The following SRPK3 variants were observed in gnomAD, a reference collection of about 807,000 sequenced individuals.
SRPK3 encodes the protein SRSF protein kinase 3, also known as SFRS protein kinase 3.
Under a neutral mutation model 45.3 loss-of-function variants are expected in SRPK3, and 26 were observed. The observed-to-expected ratio is 0.57, with a 90% CI of 0.42 to 0.80. The LOEUF is 0.80. Ranked by LOEUF, SRPK3 falls within the 30% of genes least tolerant of loss-of-function variation. The pLI, the probability that SRPK3 is intolerant of heterozygous loss-of-function variation, is 0.00. For missense variants in SRPK3, 536 were observed against 514.5 expected, an observed-to-expected ratio of 1.04 and a Z score of -0.40; for synonymous variants, 254 against 226.6, an observed-to-expected ratio of 1.12 and a Z score of -1.09.
At position 153,781,570 on chromosome X, in the gene SRPK3, G is replaced by A; in HGVS notation, c.256G>A (p.Gly86Ser). The change falls in exon 3 of 15, where the codon GGC (glycine) becomes AGC (serine). Residue 86 changes from glycine to serine, a missense_variant. Physicochemically the swap from Gly to Ser is moderately conservative, Grantham distance 56. Coordinates refer to ENST00000370101, the MANE Select transcript of SRPK3 (RefSeq NM_014370.4). ...GCGGTACCACGTGGTGCGCAAACTGGGCTGGGGCCACTTCTCCACCGTCTG... is the reference window on the plus strand; with the variant it reads ...GCGGTACCACGTGGTGCGCAAACTGAGCTGGGGCCACTTCTCCACCGTCTG... ...NGRYHVVRKLGWGHFSTVWLC... is the reference protein window; with the variant it reads ...NGRYHVVRKLSWGHFSTVWLC... The A allele has an allele frequency of 8.3e-7, 1 of 1,211,128 alleles. No homozygotes were observed. The highest frequency in any genetic ancestry group is 1.1e-6 in the Non-Finnish European group (1 of 895,419).
rs782018842 is a variant in SRPK3 at position 153,784,184 on chromosome X, G to A, written c.1118G>A (p.Arg373Gln). ...CSILSGSSNQ[R>Q]ETGGLLSPST... is the part of the protein sequence containing the mutation. The stretch of plus-strand genomic sequence containing the variant: ...ATCCTCTCCGGCTCGTCCAATCAGC[G>A]AGAGACCGGGGGCCTCCTGTCGCCT... Residue 373 changes from arginine (R) to glutamine (Q), a missense_variant, in exon 10 of 15, where the codon CGA becomes CAA. Coordinates refer to ENST00000370101, the MANE Select transcript of SRPK3 (RefSeq NM_014370.4). 21 of 1,209,524 alleles carry A rather than the reference G, an allele frequency of 1.7e-5. No homozygotes were observed. The highest frequency in any genetic ancestry group is 2.2e-5 in the Admixed American group (1 of 45,906).
rs782157672 is a variant in SRPK3 at position 153,783,280 on chromosome X, C to G, written c.774+29C>G. On this transcript the variant is annotated intron_variant, in intron 8 of 14. Coordinates refer to ENST00000370101, the MANE Select transcript of SRPK3 (RefSeq NM_014370.4). ...AGTTGGGGGGCCCCTCTCTCCCATG[C>G]CTCCTCTCCCATCTGAGCCAACTGG... is the stretch of plus-strand genomic sequence containing the variant. The G allele has an allele frequency of 6.1e-6, 7 of 1,151,601 alleles. No homozygotes were observed. The South Asian group carries it at 9.7e-5, about 16-fold the overall frequency. 94.9% of individuals were successfully genotyped at this position (1,151,601 alleles called of 1,213,427 possible). A position where few individuals can be genotyped will look rare whatever the true frequency, so the allele number is the denominator to read the frequency against.
Position 153,783,726 on chromosome X carries a change from C to G in SRPK3, c.775-26C>G, listed in dbSNP as rs1557067772. 2.5e-6 allele frequency: 3 copies of G among 1,209,308 alleles called. No homozygotes were observed. In the East Asian group the frequency reaches 8.9e-5, roughly 36 times the overall value. On this transcript the variant is annotated intron_variant, in intron 8 of 14. Transcript: ENST00000370101. ...TGCTGACTGGGGCGGGCGACAGGAA[C>G]CCTGGGGTGACCCTGGCTCTGACAG...
chrX:153,784,429 C>G (rs2092072620), intron 11 of SRPK3, 35 bp downstream of exon 11: 1 of 1,180,235 alleles, frequency 8.5e-7, no homozygotes, highest in South Asian at 1.8e-5. Flanking sequence ...AGTGGGGGGC[C>G]CTGCTCCAAG....
At chrX:153,783,405 G>C (rs1003478178) in intron 8 of SRPK3, among the ~76,000 whole-genome samples, 154 bp downstream of exon 8, 1 of 111,271 alleles carries the variant, frequency 9.0e-6, no homozygotes, top group African/African-American at 3.3e-5. Context: ...GGTAATTCCC[G>C]GGGGGGGTCA....
Position 153,781,101 on chromosome X carries a change from G to C in SRPK3, c.15G>C (p.Thr5=), listed in dbSNP as rs1215675785. 3 of 1,113,098 alleles carry C rather than the reference G, an allele frequency of 2.7e-6. No individual in the cohort carries two copies. In the African/African-American group the frequency reaches 5.6e-5, roughly 21 times the overall value. The allele number at this position is 1,113,098 out of a possible 1,213,427, so 91.7% of individuals were successfully genotyped here. A position where few individuals can be genotyped will look rare whatever the true frequency, so the allele number is the denominator to read the frequency against. The stretch of plus-strand genomic sequence containing the variant: ...GCGTGGCCGGGATGAGCGCCAGCAC[G>C]GGCGGTGGTGGGGACAGCGGCGGCA... MSAS[T]GGGGDSGGSG... is the part of the protein sequence containing the mutation. The change falls in exon 1 of 15, where the codon ACG becomes ACC. Residue 5 remains threonine (T), a synonymous_variant. Transcript: ENST00000370101.
At chrX:153,784,633 A>T (rs1490969903) in intron 11 of SRPK3, 117 bp from the exon 12 acceptor site, 5 of 925,807 alleles carry the variant, frequency 5.4e-6, no homozygotes, top group Non-Finnish European at 7.6e-6. Context: ...GGGGACCCCG[A>T]GGCTCACAGC....
chrX:153,781,969 G>C (rs782130702), intron 4 of SRPK3, 139 bp downstream of exon 4: 831 of 894,509 alleles, frequency 9.3e-4, no homozygotes, highest in Non-Finnish European at 1.3e-3. Context: ...GTGCCCAAGG[G>C]GGAGGATCTG....
chrX:153,783,714 G>A (rs782647337), intron 8 of SRPK3, 38 bp from the exon 9 acceptor site: 25 of 1,205,562 alleles, frequency 2.1e-5, no homozygotes, highest in South Asian at 1.6e-4. Context: ...TGACTGGGGC[G>A]GGCGACAGGA....
chrX:153,782,339 C>T (rs2092057188), intron 5 of SRPK3, 131 bp downstream of exon 5: 1 of 533,228 alleles, frequency 1.9e-6, no homozygotes, highest in Non-Finnish European at 3.2e-6. Flanking sequence ...GAGCCTCTGG[C>T]ACGACCCCGC....
Position 153,783,899 on chromosome X carries a change from A to T in SRPK3, c.907+15A>T, listed in dbSNP as rs4898442. The T allele has an allele frequency of 8.4e-7, 1 of 1,187,974 alleles. No individual in the cohort carries two copies. Among genetic ancestry groups the T allele is most frequent in the Non-Finnish European group, 1.1e-6 (1 of 884,513 alleles). ...CCAGGCTGAGGGTGAGGGGCCACAG[A>T]GGGTGATGGGCCGTGGAGCGCAGCA... On this transcript the variant is annotated intron_variant, in intron 9 of 14. Coordinates refer to ENST00000370101, the MANE Select transcript of SRPK3 (RefSeq NM_014370.4).
chrX:153,782,943 C>A lies in SRPK3; in HGVS notation c.583-10C>A. 2 of 1,187,392 alleles carry A rather than the reference C, an allele frequency of 1.7e-6. No homozygotes were observed. The highest frequency in any genetic ancestry group is 2.3e-6 in the Non-Finnish European group (2 of 881,194). ...GGGAGTTGGAGGAGGTCAGGTGCGA[C>A]TCTCTGCAGGTGCTGCACGGCCTGG... On this transcript the variant is annotated splice_polypyrimidine_tract_variant and intron_variant, in intron 6 of 14. Transcript: ENST00000370101.
Position 153,785,635 on chromosome X carries a change from C to A in SRPK3, c.*115C>A. The A allele has an allele frequency of 1.0e-6, 1 of 975,336 alleles. No homozygotes were observed. The highest frequency in any genetic ancestry group is 1.4e-6 in the Non-Finnish European group (1 of 716,027). The allele number at this position is 975,336 out of a possible 1,213,427, so 80.4% of individuals were successfully genotyped here. A position where few individuals can be genotyped will look rare whatever the true frequency, so the allele number is the denominator to read the frequency against. On this transcript the variant is annotated 3_prime_UTR_variant, in exon 15 of 15. Transcript: ENST00000370101. Reference sequence around the variant, plus strand: ...ACCACAGGGCAGAGAGACGCTGGAGCCAGGCCCGGCTCTCAGAGCGTGTTC... The same window carrying A: ...ACCACAGGGCAGAGAGACGCTGGAGACAGGCCCGGCTCTCAGAGCGTGTTC...
At position 153,784,735 on chromosome X, in the gene SRPK3, T is replaced by A. The variant is rs781872092; in HGVS notation, c.1249-15T>A. The stretch of plus-strand genomic sequence containing the variant: ...CTTGGCCCCAGCCCGTCCCCAGGGC[T>A]CCCCTTGCTTCCAGCACAAGCACTT... On this transcript the variant is annotated splice_polypyrimidine_tract_variant and intron_variant, in intron 11 of 14. Transcript: ENST00000370101. The A allele has an allele frequency of 5.0e-6, 6 of 1,208,778 alleles. No individual in the cohort carries two copies. The South Asian group carries it at 7.0e-5, about 14-fold the overall frequency.
At position 153,785,719 on chromosome X, in the gene SRPK3, G is replaced by A; in HGVS notation, c.*199G>A. Reference sequence around the variant, plus strand: ...GTGTGTGTATTCCTTTCTTAATAAAGTGTGGACTGAACATCGGTGCCTGGA... The same window carrying A: ...GTGTGTGTATTCCTTTCTTAATAAAATGTGGACTGAACATCGGTGCCTGGA... On this transcript the variant is annotated 3_prime_UTR_variant, in exon 15 of 15. Transcript: ENST00000370101. The A allele has an allele frequency of 5.0e-6, 4 of 799,885 alleles. No homozygotes were observed. The highest frequency in any genetic ancestry group is 7.3e-6 in the Non-Finnish European group (4 of 549,767). The allele number at this position is 799,885 out of a possible 1,213,427, so 65.9% of individuals were successfully genotyped here. A position where few individuals can be genotyped will look rare whatever the true frequency, so the allele number is the denominator to read the frequency against.
rs782380299 is a variant in SRPK3, at chrX:153,781,232, G to A, written c.76G>A (p.Gly26Arg). The change falls in exon 2 of 15, where the codon GGG becomes AGG. Residue 26 changes from glycine (G) to arginine (R), a missense_variant. By Grantham distance (125) the Gly-to-Arg change is moderately radical. Transcript: ENST00000370101. ...GSSSSSQASC[G>R]PESSGSELAL... ...CACCCGCAGCTCACAGGCCTCCTGC[G>A]GGCCCGAGTCCTCGGGCTCCGAACT... 65 of 1,207,023 alleles carry A rather than the reference G, an allele frequency of 5.4e-5. No individual in the cohort carries two copies. The highest frequency in any genetic ancestry group is 4.0e-4 in the African/African-American group (23 of 57,531).
chrX:153,783,114 C>A lies in SRPK3; in HGVS notation c.744C>A (p.Ser248=), dbSNP rs782668508. The A allele has an allele frequency of 1.7e-4, 201 of 1,168,805 alleles. No homozygotes were observed. The highest frequency in any genetic ancestry group is 2.2e-4 in the Non-Finnish European group (193 of 876,187). The stretch of plus-strand genomic sequence containing the variant: ...CAGGGGCGCCGCCCCCCTCCCGCTC[C>A]ATAGGTACCAAGGGCCCACATGGGG... ...QQAGAPPPSR[S]IVSTAPQEVL... The change falls in exon 7 of 15, where the codon TCC becomes TCA. Residue 248 remains serine (S), a synonymous_variant. Transcript: ENST00000370101.
At chrX:153,784,563 C>A in intron 11 of SRPK3, 169 bp downstream of exon 11, 2 of 711,544 alleles carry the variant, frequency 2.8e-6, no homozygotes, top group South Asian at 2.7e-5. Flanking sequence ...AGGGCAGGGG[C>A]CACTAGGAAG....
chrX:153,781,861 C>T (rs782791679), intron 4 of SRPK3, 31 bp downstream of exon 4: 73 of 1,199,170 alleles, frequency 6.1e-5, no homozygotes, highest in Non-Finnish European at 8.2e-5. Context: ...ACTCCCAGCT[C>T]CCCTGGAGCT....
Sources: gnomAD v4.1 joint callset for allele counts (sites outside exome capture counted in the v4.1 genomes callset) on GRCh38, gnomAD v4.1.1 for gene constraint, MANE v1.5 for transcripts, NCBI Gene and HGNC (gene_info 2026-07-23, HGNC 2026-07-21) for gene names.